HIBCH: variants seen among roughly 807,000 people sequenced by gnomAD.
The protein encoded by HIBCH is 3-hydroxyisobutyryl-CoA hydrolase, mitochondrial.
HIBCH carries 50 observed loss-of-function variants against 58.2 expected under a neutral mutation model. The ratio of observed to expected loss-of-function variants is 0.86; its 90% CI spans 0.68 to 1.09. The LOEUF (loss-of-function observed/expected upper bound fraction) is 1.09. Ranked by LOEUF, HIBCH falls within the 50% of genes least tolerant of loss-of-function variation. The pLI is 0.00. For synonymous variants in HIBCH, 151 were observed against 146.9 expected (o/e 1.03, Z -0.20); for missense variants, 450 against 449.7 (o/e 1.00, Z -0.01).
At chr2:190,247,018 A>C (rs989831562) in intron 9 of HIBCH, among the ~76,000 whole-genome samples, 1 of 150,766 alleles carries the variant, frequency 6.6e-6, no homozygotes, top group African/African-American at 2.5e-5. Flanking sequence ...TTTTTTTTTA[A>C]ACCTGTGCCA....
In HIBCH at chr2:190,246,171, G is replaced by A; in HGVS notation, c.792C>T (p.His264=). Residue 264 remains histidine, a synonymous_variant, in exon 10 of 14, where the codon CAC becomes CAT. Coordinates refer to ENST00000359678, the MANE Select transcript of HIBCH (RefSeq NM_014362.4). ...DRDKSFILEE[H]MDKINSCFSA... is the part of the protein sequence containing the mutation. The stretch of plus-strand genomic sequence containing the variant: ...TTAGGTACCTGTTTATTTTGTCCAT[G>A]TGTTCCTCAAGTATAAAAGACTTGT... The A allele has an allele frequency of 1.9e-6, 3 of 1,586,700 alleles. No individual in the cohort carries two copies. Among genetic ancestry groups the A allele is most frequent in the Non-Finnish European group, 1.7e-6 (2 of 1,156,012 alleles).
chr2:190,253,618 TG>T (rs1409554143), intron 7 of HIBCH, among the ~76,000 whole-genome samples: 6 of 152,204 alleles, frequency 3.9e-5, no homozygotes, highest in African/African-American at 1.4e-4. Flanking sequence ...CCCTCTGAAC[TG>T]TTCTCCACAC....
intron 4 of HIBCH, among the ~76,000 whole-genome samples, chr2:190,293,743 C>T (rs1478318520): frequency 1.3e-5 from 2 of 151,504 alleles, no homozygotes; most frequent in Non-Finnish European, 2.9e-5. Context: ...AAAAAACCAT[C>T]CCTGAACCCT....
intron 12 of HIBCH, among the ~76,000 whole-genome samples, chr2:190,212,058 C>T (rs1690521934): frequency 6.6e-6 from 1 of 152,196 alleles, no homozygotes; most frequent in Non-Finnish European, 1.5e-5. Context: ...CACTATATAA[C>T]AATTTCTTCA....
At chr2:190,301,575 GTACATGCTT>G (rs1190792627) in intron 2 of HIBCH, among the ~76,000 whole-genome samples, 1 of 152,138 alleles carries the variant, frequency 6.6e-6, no homozygotes, top group Non-Finnish European at 1.5e-5. Flanking sequence ...GGGGTGGTGG[GTACATGCTT>G]TATAAATTTG....
intron 13 of HIBCH, among the ~76,000 whole-genome samples, chr2:190,205,663 A>C (rs1227228019): frequency 6.6e-6 from 1 of 152,158 alleles, no homozygotes; most frequent in Non-Finnish European, 1.5e-5. Context: ...GGAGGAAATT[A>C]ATTGCTTAAG....
chr2:190,199,756 A>AG (rs1690156616), downstream of HIBCH: 1 of 1,526,292 alleles, frequency 6.6e-7, no homozygotes. Context: ...TGCCCTGGAG[A>AG]GGGAAAGCAC....
rs372580411 is a variant in HIBCH at position 190,260,309 on chromosome 2, T to C, written c.517+847A>G. 5 of 152,292 alleles carry C rather than the reference T, an allele frequency of 3.3e-5. No homozygotes were observed. The East Asian group carries it at 7.7e-4, about 23-fold the overall frequency. The allele number at this position is 152,292 out of a possible 1,614,324, so 9.4% of individuals were successfully genotyped here. The stretch of plus-strand genomic sequence containing the variant: ...ACTAACAATTCAAAAATATCATTAA[T>C]ATGAAATACTTATGGATAAATATGA... On this transcript the variant is annotated intron_variant, in intron 7 of 13. Transcript: ENST00000359678.
intron 7 of HIBCH, among the ~76,000 whole-genome samples, chr2:190,259,250 AAT>A (rs994161074): frequency 7.2e-4 from 108 of 150,762 alleles, no homozygotes; most frequent in African/African-American, 2.6e-3. Context: ...ATGAACATGT[AAT>A]ATCTTTTTAT....
chr2:190,300,426 CTT>C (rs938353003), intron 2 of HIBCH, among the ~76,000 whole-genome samples: 2 of 143,408 alleles, frequency 1.4e-5, no homozygotes. Context: ...TGATACTGAG[CTT>C]TTTTTTTTTT....
At chr2:190,260,595 C>T (rs964173451) in intron 7 of HIBCH, 1 of 152,420 alleles carries the variant, frequency 6.6e-6, no homozygotes, top group African/African-American at 2.4e-5. Flanking sequence ...AACATTGTCA[C>T]TACCTGATTT....
intron 11 of HIBCH, among the ~76,000 whole-genome samples, chr2:190,222,646 A>C (rs1163290394): frequency 1.3e-5 from 2 of 152,212 alleles, no homozygotes; most frequent in East Asian, 3.8e-4. Flanking sequence ...GCTGTGGAAA[A>C]ATAGGAACGC....
chr2:190,258,414 A>G (rs1686988968), intron 7 of HIBCH, among the ~76,000 whole-genome samples: 1 of 152,236 alleles, frequency 6.6e-6, no homozygotes, highest in African/African-American at 2.4e-5. Flanking sequence ...ATTGCTATAA[A>G]GATACCTGGA....
intron 3 of HIBCH, among the ~76,000 whole-genome samples, chr2:190,296,430 A>AT (rs386392141): frequency 1.3e-5 from 2 of 151,756 alleles, no homozygotes; most frequent in Non-Finnish European, 2.9e-5. Context: ...CTCAAAAAAA[A>AT]AAAAAAGCAG....
chr2:190,253,857 C>T (rs1686850169), intron 7 of HIBCH, among the ~76,000 whole-genome samples: 1 of 152,170 alleles, frequency 6.6e-6, no homozygotes, highest in Admixed American at 6.5e-5. Context: ...TCATTCCTGC[C>T]CCAGAGCCTC....
chr2:190,311,820 T>G (rs770627761), intron 1 of HIBCH, among the ~76,000 whole-genome samples: 1 of 152,180 alleles, frequency 6.6e-6, no homozygotes, highest in African/African-American at 2.4e-5. Context: ...GAGAGCAGGC[T>G]ACAAAACAAT....
chr2:190,273,497 C>A (rs575257439), intron 6 of HIBCH, among the ~76,000 whole-genome samples: 10 of 152,276 alleles, frequency 6.6e-5, no homozygotes, highest in African/African-American at 2.4e-4. Context: ...GAGAGGAGAT[C>A]TACCGCTCTC....
chr2:190,276,392 G>T (rs1263185946), intron 6 of HIBCH, among the ~76,000 whole-genome samples: 1 of 152,106 alleles, frequency 6.6e-6, no homozygotes. Flanking sequence ...ACTCCTTTAT[G>T]TTTCCTAATT....
At chr2:190,220,388 G>A (rs1012060094) in intron 11 of HIBCH, 1 of 152,154 alleles carries the variant, frequency 6.6e-6, no homozygotes, top group Non-Finnish European at 1.5e-5. Flanking sequence ...GGATAGAACA[G>A]TATCTTACAC....
Sources: gnomAD v4.1 joint callset for allele counts (sites outside exome capture counted in the v4.1 genomes callset) on GRCh38, gnomAD v4.1.1 for gene constraint, MANE v1.5 for transcripts, NCBI Gene and HGNC (gene_info 2026-07-23, HGNC 2026-07-21) for gene names.